The following CELSR1 variants were observed in gnomAD, a reference collection of about 807,000 sequenced individuals.
CELSR1 encodes the protein cadherin EGF LAG seven-pass G-type receptor 1, also known as adhesion G protein-coupled receptor C1.
A neutral mutation model predicts 249.1 loss-of-function variants in CELSR1; 110 were observed. That is an observed-to-expected ratio of 0.44 (90% confidence interval 0.38 to 0.52). The LOEUF is 0.52. Ranked by LOEUF, CELSR1 falls within the 20% of genes least tolerant of loss-of-function variation. The pLI is 0.00. For missense variants in CELSR1, 4,109 were observed against 4,296.4 expected (o/e 0.96, Z 1.22); for synonymous variants, 2,113 against 1,900.0 (o/e 1.11, Z -2.92).
rs763316237 is a variant in CELSR1, at chr22:46,533,962, T to C, written c.3209A>G (p.Tyr1070Cys). ...CGACGTGGCCTGCACCACCAGCACA[T>C]ACTCCCGCCGGACCTCAAAGTCCAG... ...VELDFEVRRE[Y>C]VLVVQATSAP... Residue 1070 changes from tyrosine to cysteine, a missense_variant, in exon 1 of 35, where the codon TAT (tyrosine) becomes TGT (cysteine). Physicochemically the swap from Tyr to Cys is radical, Grantham distance 194 (BLOSUM62 -2). Coordinates refer to ENST00000674500, the MANE Select transcript of CELSR1 (RefSeq NM_001378328.1). The C allele has an allele frequency of 8.1e-6, 13 of 1,613,364 alleles. No individual in the cohort carries two copies. Among genetic ancestry groups the C allele is most frequent in the African/African-American group, 1.3e-5 (1 of 75,036 alleles).
intron 33 of CELSR1, 112 bp downstream of exon 33, chr22:46,364,400 G>T: frequency 1.3e-5 from 20 of 1,492,650 alleles, no homozygotes; most frequent in Non-Finnish European, 1.7e-5. Context: ...CGTCTGTTCT[G>T]CCCAGGCCCT....
intron 2 of CELSR1, among the ~76,000 whole-genome samples, chr22:46,458,636 G>A (rs1371598648): frequency 6.6e-6 from 1 of 152,220 alleles, no homozygotes; most frequent in Non-Finnish European, 1.5e-5. Flanking sequence ...CAGGGGACCA[G>A]AGGGAAGAGG....
intron 24 of CELSR1, among the ~76,000 whole-genome samples, chr22:46,376,656 A>G (rs1003541570): frequency 6.6e-6 from 1 of 152,180 alleles, no homozygotes; most frequent in South Asian, 2.1e-4. Flanking sequence ...GATTACACGC[A>G]TGAGCCACTG....
rs76999659 is a variant in CELSR1, at chr22:46,515,996, T to A, written c.3544+17631A>T. 2.0e-5 allele frequency among the ~76,000 whole-genome samples: 3 copies of A among 152,240 alleles called. No homozygotes were observed. In the South Asian group the frequency reaches 6.2e-4, roughly 32 times the overall value. Reference sequence around the variant, plus strand: ...GAATGTGGAGAAACAGGAACACTTTTACACTGTTGGTGGGACTGCAAACTA... The same window carrying A: ...GAATGTGGAGAAACAGGAACACTTTAACACTGTTGGTGGGACTGCAAACTA... On this transcript the variant is annotated intron_variant, in intron 1 of 34. Transcript: ENST00000674500.
intron 25 of CELSR1, among the ~76,000 whole-genome samples, chr22:46,371,373 C>T (rs2078849599): frequency 6.6e-6 from 1 of 152,162 alleles, no homozygotes; most frequent in Non-Finnish European, 1.5e-5. Context: ...TGGCCTCAGA[C>T]TGCGTCTAAT....
intron 5 of CELSR1, among the ~76,000 whole-genome samples, chr22:46,424,259 T>A (rs889245980): frequency 6.6e-6 from 1 of 151,462 alleles, no homozygotes; most frequent in Non-Finnish European, 1.5e-5. Context: ...CTTTGTATTT[T>A]GAAGAGATGT....
rs186474366 is a variant in CELSR1 at position 46,533,700 on chromosome 22, C to T, written c.3471G>A (p.Thr1157=). The change falls in exon 1 of 35, where the codon ACG becomes ACA. Residue 1157 remains threonine, a synonymous_variant. Coordinates refer to ENST00000674500, the MANE Select transcript of CELSR1 (RefSeq NM_001378328.1). ...GGTCGCGGCTGAGCTGCAGTTCGCCCGTGGCGGGGTCCAGCAGCAACAGGC... is the reference window on the plus strand; with the variant it reads ...GGTCGCGGCTGAGCTGCAGTTCGCCTGTGGCGGGGTCCAGCAGCAACAGGC... ...ELRLLLLDPA[T]GELQLSRDLD... 5.6e-5 allele frequency: 91 copies of T among 1,611,766 alleles called. 2 individuals carry two copies. In the South Asian group the frequency reaches 7.3e-4, roughly 13 times the overall value.
intron 9 of CELSR1, among the ~76,000 whole-genome samples, chr22:46,403,823 A>G (rs1348034674): frequency 6.6e-6 from 1 of 151,468 alleles, no homozygotes; most frequent in South Asian, 2.1e-4. Context: ...AAATACAAAC[A>G]TTATCTGGAT....
At position 46,409,690 on chromosome 22, in the gene CELSR1, C is replaced by G; in HGVS notation, c.5059+65G>C. The G allele has an allele frequency of 6.3e-7, 1 of 1,596,088 alleles. No individual in the cohort carries two copies. The highest frequency in any genetic ancestry group is 1.7e-5 in the Admixed American group (1 of 59,866). On this transcript the variant is annotated intron_variant, in intron 8 of 34. Transcript: ENST00000674500. This position sits in a 1 kb window ranked among gnomAD's most constrained non-coding sequence, Gnocchi z 9.8. ...GAAGCCCCCTCACGGTGGTCCCGGG[C>G]ACATCAAGGAGCAATGCCTCCCAGG...
At position 46,523,080 on chromosome 22, in the gene CELSR1, C is replaced by T. The variant is rs1023976650; in HGVS notation, c.3544+10547G>A. ...ATGGTTATTGCCCTGCAAGAGCATTCTTATCTCCGAATGCTAACAGGGCAT... is the reference window on the plus strand; with the variant it reads ...ATGGTTATTGCCCTGCAAGAGCATTTTTATCTCCGAATGCTAACAGGGCAT... On this transcript the variant is annotated intron_variant, in intron 1 of 34. Coordinates refer to ENST00000674500, the MANE Select transcript of CELSR1 (RefSeq NM_001378328.1). 3.3e-5 allele frequency among the ~76,000 whole-genome samples: 5 copies of T among 152,340 alleles called. 1 individual carries two copies.
chr22:46,381,004 C>A lies in CELSR1; in HGVS notation c.7089-49G>T. On this transcript the variant is annotated intron_variant, in intron 21 of 34. Coordinates refer to ENST00000674500, the MANE Select transcript of CELSR1 (RefSeq NM_001378328.1). This position sits in a 1 kb window ranked among gnomAD's most constrained non-coding sequence, Gnocchi z 6.0. ...GGGGACAAACACGGTGAGGAAACAT[C>A]TGCTTAAATCCCGCGCACAAATGCC... is the stretch of plus-strand genomic sequence containing the variant. 1 of 1,583,186 alleles carries A rather than the reference C, an allele frequency of 6.3e-7. No individual in the cohort carries two copies. Among genetic ancestry groups the A allele is most frequent in the Non-Finnish European group, 8.6e-7 (1 of 1,157,388 alleles).
At chr22:46,511,075 T>A (rs1199647086) in intron 1 of CELSR1, among the ~76,000 whole-genome samples, 1 of 151,900 alleles carries the variant, frequency 6.6e-6, no homozygotes, top group Non-Finnish European at 1.5e-5. Context: ...GATCGTGTCA[T>A]CGCACTCCAG....
chr22:46,415,410 G>A (rs140048), intron 5 of CELSR1, among the ~76,000 whole-genome samples: 150,024 of 152,216 alleles, frequency 0.99, 73,948 homozygotes, highest in East Asian at 1. Flanking sequence ...TCGGCCTCCC[G>A]AAGTGCTGGG....
At chr22:46,467,691 A>G (rs1237053177) in intron 1 of CELSR1, among the ~76,000 whole-genome samples, 1 of 151,712 alleles carries the variant, frequency 6.6e-6, no homozygotes, top group African/African-American at 2.4e-5. Flanking sequence ...GCATGGTGGC[A>G]GGCGCCTGTA....
At chr22:46,501,006 ATTTAT>A (rs755663721) in intron 1 of CELSR1, among the ~76,000 whole-genome samples, 72 of 150,128 alleles carry the variant, frequency 4.8e-4, no homozygotes, top group African/African-American at 8.5e-4. Context: ...TTATTTATTT[ATTTAT>A]TTTATTTTAT....
Position 46,401,090 on chromosome 22 carries a change from C to T in CELSR1, c.5227-1188G>A, listed in dbSNP as rs2079206619. ...AGTAAGGGAAGCGCCAAGAACAAGCCCCATTAGGCTTTTAAGTACTGGGAC... is the reference window on the plus strand; with the variant it reads ...AGTAAGGGAAGCGCCAAGAACAAGCTCCATTAGGCTTTTAAGTACTGGGAC... On this transcript the variant is annotated intron_variant, in intron 9 of 34. Coordinates refer to ENST00000674500, the MANE Select transcript of CELSR1 (RefSeq NM_001378328.1). The surrounding 1 kb of genome is among the most constrained non-coding windows in gnomAD (Gnocchi z 4.7). Among the ~76,000 whole-genome samples, 1 of 151,966 alleles carries T rather than the reference C, an allele frequency of 6.6e-6. No individual in the cohort carries two copies. The highest frequency in any genetic ancestry group is 2.1e-4 in the South Asian group (1 of 4,816).
In CELSR1 at chr22:46,484,656, C is replaced by A. The variant is rs2080297318; in HGVS notation, c.3545-20311G>T. On this transcript the variant is annotated intron_variant, in intron 1 of 34. Coordinates refer to ENST00000674500, the MANE Select transcript of CELSR1 (RefSeq NM_001378328.1). The surrounding 1 kb of genome is among the most constrained non-coding windows in gnomAD (Gnocchi z 4.5). ...CACTGCAGCACCTGTTTTGGCTGGG[C>A]ATGGGGGTTCTGCCCCAGAGACCCT... Among the ~76,000 whole-genome samples, 1 of 144,348 alleles carries A rather than the reference C, an allele frequency of 6.9e-6. No homozygotes were observed. The highest frequency in any genetic ancestry group is 2.5e-5 in the African/African-American group (1 of 39,304). 94.7% of individuals were successfully genotyped at this position (144,348 alleles called of 152,430 possible).
At chr22:46,520,154 G>A (rs540693014) in intron 1 of CELSR1, among the ~76,000 whole-genome samples, 12 of 152,152 alleles carry the variant, frequency 7.9e-5, no homozygotes, top group East Asian at 5.8e-4. Context: ...AATTACAGGC[G>A]TGAGCCACTG....
rs748451015 is a variant in CELSR1, at chr22:46,410,453, G to T, written c.4878C>A (p.Val1626=). 1.2e-6 allele frequency: 2 copies of T among 1,614,052 alleles called. No homozygotes were observed. The highest frequency in any genetic ancestry group is 2.7e-5 in the African/African-American group (2 of 75,050). ...QFVGCMRNLS[V]DGKNVDMAGF... is the part of the protein sequence containing the mutation. ...CGGCCATGTCCACATTTTTGCCGTC[G>T]ACTGACAGGTTCCGCATGCAGCCCA... The change falls in exon 7 of 35, where the codon GTC becomes GTA. Residue 1626 remains valine, a synonymous_variant. Transcript: ENST00000674500. This position sits in a 1 kb window ranked among gnomAD's most constrained non-coding sequence, Gnocchi z 6.8.
Sources: gnomAD v4.1 joint callset for allele counts (sites outside exome capture counted in the v4.1 genomes callset) on GRCh38, gnomAD v4.1.1 for gene constraint, Gnocchi (gnomAD v3.1) non-coding constraint, MANE v1.5 for transcripts, NCBI Gene and HGNC (gene_info 2026-07-23, HGNC 2026-07-21) for gene names.